The following ZNF385D variants were observed in gnomAD, a reference collection of about 807,000 sequenced individuals.
ZNF385D encodes the protein zinc finger protein 659.
In ZNF385D, 15 loss-of-function variants were observed where a neutral mutation model predicts 35.8. The observed-to-expected ratio is 0.42, with a 90% CI of 0.28 to 0.64. The LOEUF (loss-of-function observed/expected upper bound fraction) is 0.64, where lower values mean the gene tolerates loss of function less well. Among genes scored for constraint, ZNF385D ranks in the 30% least tolerant of loss-of-function variants. The probability of loss-of-function intolerance (pLI) is 0.23; values close to 1 mark genes in which losing one functional copy is unlikely to be tolerated. For missense variants in ZNF385D, 474 were observed against 494.6 expected (o/e 0.96, Z 0.39); for synonymous variants, 212 against 186.8 (o/e 1.13, Z -1.10).
chr3:21,676,793 A>ATT (rs35309798), intron 1 of ZNF385D, among the ~76,000 whole-genome samples: 2 of 150,686 alleles, frequency 1.3e-5, no homozygotes, highest in East Asian at 3.9e-4. Context: ...GCCCATATGT[A>ATT]TTTTTTTTTT....
At chr3:22,167,558 A>C (rs1706416656) in intron 3 of ZNF385D, among the ~76,000 whole-genome samples, 1 of 152,322 alleles carries the variant, frequency 6.6e-6, no homozygotes, top group African/African-American at 2.4e-5. Context: ...GGTACAGAGA[A>C]GGCTGTAACA....
At chr3:22,174,127 G>A (rs17010947) in intron 2 of ZNF385D, among the ~76,000 whole-genome samples, 1 of 151,768 alleles carries the variant, frequency 6.6e-6, no homozygotes, top group Non-Finnish European at 1.5e-5. Flanking sequence ...TAACCCTATT[G>A]CAACTCCCAC....
At chr3:21,803,085 C>A (rs959728104) in intron 3 of ZNF385D, among the ~76,000 whole-genome samples, 1 of 152,116 alleles carries the variant, frequency 6.6e-6, no homozygotes. Flanking sequence ...GTTATTGTTA[C>A]CCCTCCCCGC....
At chr3:21,930,499 G>A (rs772364245) in intron 3 of ZNF385D, among the ~76,000 whole-genome samples, 17 of 152,054 alleles carry the variant, frequency 1.1e-4, no homozygotes, top group Non-Finnish European at 1.6e-4. Context: ...AAAGTGATAA[G>A]TATATAGAAA....
chr3:21,476,532 G>A (rs1277745833), intron 4 of ZNF385D, among the ~76,000 whole-genome samples: 1 of 151,840 alleles, frequency 6.6e-6, no homozygotes, highest in East Asian at 1.9e-4. Context: ...ATTATGTCAT[G>A]AAGACACTTA....
intron 3 of ZNF385D, among the ~76,000 whole-genome samples, chr3:22,103,097 T>C (rs1202558292): frequency 6.6e-6 from 1 of 151,796 alleles, no homozygotes; most frequent in African/African-American, 2.4e-5. Context: ...TTTAAAACCA[T>C]ATAATTCAAT....
At chr3:22,139,256 C>T (rs1704344813) in intron 3 of ZNF385D, among the ~76,000 whole-genome samples, 1 of 152,176 alleles carries the variant, frequency 6.6e-6, no homozygotes, top group Non-Finnish European at 1.5e-5. Context: ...CCAGCCATCC[C>T]ATTACTGGGT....
intron 2 of ZNF385D, among the ~76,000 whole-genome samples, chr3:21,621,570 T>TGTGTGTGTGTGC (rs1443763657): frequency 6.6e-6 from 1 of 151,340 alleles, no homozygotes; most frequent in Non-Finnish European, 1.5e-5. Flanking sequence ...TGTGTGTGTG[T>TGTGTGTGTGTGC]GTGTGTGTGT....
chr3:22,257,883 A>G (rs1700396088), intron 2 of ZNF385D, among the ~76,000 whole-genome samples: 1 of 151,954 alleles, frequency 6.6e-6, no homozygotes, highest in Non-Finnish European at 1.5e-5. Flanking sequence ...TTTTCTAGTG[A>G]TATTTTTAAA....
intron 3 of ZNF385D, among the ~76,000 whole-genome samples, chr3:21,884,581 T>C (rs1362423289): frequency 6.6e-6 from 1 of 152,072 alleles, no homozygotes. Context: ...ATTAATTACA[T>C]ATCCTTGCAA....
rs537235261 is a variant in ZNF385D at position 21,525,326 on chromosome 3, AT to A, written c.277-14304del. 2.9e-4 allele frequency among the ~76,000 whole-genome samples: 43 copies of A among 150,104 alleles called. No individual in the cohort carries two copies. The East Asian group carries it at 2.9e-3, about 10-fold the overall frequency. On this transcript the variant is annotated intron_variant, in intron 3 of 7. Coordinates refer to ENST00000281523, the MANE Select transcript of ZNF385D (RefSeq NM_024697.3). ...CAAACAGAGACTGCATTTGGCGTGT[AT>A]TTTTTTTTTCCAATGGCATTTGCCG...
At chr3:22,338,698 A>ATTT (rs562729331) in intron 2 of ZNF385D, among the ~76,000 whole-genome samples, 2,547 of 125,368 alleles carry the variant, frequency 0.02, 126 homozygotes, top group African/African-American at 0.074. Context: ...TATTCATCTC[A>ATTT]TTTTTTTTTT....
At chr3:21,990,939 A>G (rs1011615017) in intron 3 of ZNF385D, among the ~76,000 whole-genome samples, 31 of 152,210 alleles carry the variant, frequency 2.0e-4, no homozygotes, top group African/African-American at 7.5e-4. Context: ...TCTAAACAAC[A>G]AATGCGTGAT....
At chr3:21,849,131 G>C (rs922391376) in intron 3 of ZNF385D, among the ~76,000 whole-genome samples, 46 of 152,062 alleles carry the variant, frequency 3.0e-4, no homozygotes, top group Admixed American at 2.2e-3. Context: ...ACACATGCAT[G>C]TAACTGTCAC....
chr3:21,698,499 GGGTAC>G (rs2067550812), intron 1 of ZNF385D, among the ~76,000 whole-genome samples: 1 of 152,056 alleles, frequency 6.6e-6, no homozygotes, highest in Non-Finnish European at 1.5e-5. Context: ...AGTACCTCTT[GGGTAC>G]AGTGTTCACT....
chr3:21,858,593 TA>T (rs1243157983), intron 3 of ZNF385D, among the ~76,000 whole-genome samples: 28 of 152,144 alleles, frequency 1.8e-4, no homozygotes, highest in Non-Finnish European at 3.2e-4. Context: ...ATATGAGGAA[TA>T]GTCTCTCAGG....
chr3:21,982,674 G>T (rs760925195), intron 3 of ZNF385D, among the ~76,000 whole-genome samples: 4 of 152,132 alleles, frequency 2.6e-5, no homozygotes, highest in Non-Finnish European at 5.9e-5. Context: ...TATTCAAGGG[G>T]AATACTGCTA....
intron 2 of ZNF385D, among the ~76,000 whole-genome samples, chr3:22,300,275 T>C (rs918757022): frequency 6.6e-6 from 1 of 151,808 alleles, no homozygotes; most frequent in Admixed American, 6.6e-5. Flanking sequence ...TTGGGCCATA[T>C]ATTAAAAATC....
chr3:21,778,684 A>G (rs1467875982), intron 3 of ZNF385D, among the ~76,000 whole-genome samples: 1 of 151,972 alleles, frequency 6.6e-6, no homozygotes, highest in African/African-American at 2.4e-5. Flanking sequence ...AAAGAGGACT[A>G]TATTTAATTT....
Sources: allele counts gnomAD v4.1 joint callset (sites outside exome capture counted in the v4.1 genomes callset), GRCh38; gene constraint gnomAD v4.1.1; transcripts MANE v1.5; gene names NCBI Gene and HGNC (gene_info 2026-07-23, HGNC 2026-07-21).